IMPDH2: variants seen among roughly 807,000 people sequenced by gnomAD.
IMPDH2 encodes inosine monophosphate dehydrogenase 2.
Under a neutral mutation model 57.8 loss-of-function variants are expected in IMPDH2, and 33 were observed. That is an observed-to-expected ratio of 0.57 (90% confidence interval 0.43 to 0.76). IMPDH2 has a LOEUF of 0.76. Ranked by LOEUF, IMPDH2 falls within the 30% of genes least tolerant of loss-of-function variation. The pLI is 0.00. For synonymous variants in IMPDH2, 270 were observed against 241.3 expected (o/e 1.12, Z -1.10); for missense variants, 446 against 659.1 (o/e 0.68, Z 3.54).
At chr3:49,027,554 G>A (rs1028914376) in intron 5 of IMPDH2, among the ~76,000 whole-genome samples, 156 bp downstream of exon 5, 2 of 152,186 alleles carry the variant, frequency 1.3e-5, no homozygotes, top group Admixed American at 1.3e-4. Context: ...CCTCTGGTGG[G>A]GAAAGGATGC....
At chr3:49,025,376 A>T (rs1351813927) in intron 9 of IMPDH2, 107 bp from the exon 10 acceptor site, 2 of 1,210,644 alleles carry the variant, frequency 1.7e-6, no homozygotes, top group African/African-American at 3.0e-5. Flanking sequence ...CTGCATCAGG[A>T]CTGCAGCTTG....
intron 9 of IMPDH2, chr3:49,025,994 C>A: frequency 2.1e-6 from 1 of 481,972 alleles, no homozygotes. Flanking sequence ...GCTGGACTTA[C>A]TATAGCAACC....
intron 2 of IMPDH2, 51 bp from the exon 3 acceptor site, chr3:49,028,583 G>A (rs2093209903): frequency 1.4e-6 from 2 of 1,476,978 alleles, no homozygotes; most frequent in Non-Finnish European, 1.9e-6. Flanking sequence ...TACACCTCAA[G>A]GTGTTACTGA....
At chr3:49,024,859 C>T (rs1367974847) in intron 11 of IMPDH2, 37 bp downstream of exon 11, 3 of 1,614,100 alleles carry the variant, frequency 1.9e-6, no homozygotes, top group Non-Finnish European at 2.5e-6. Flanking sequence ...ACTGTCAGTG[C>T]AGGATTAGGG....
In IMPDH2 at chr3:49,028,776, G is replaced by A; in HGVS notation, c.129C>T (p.Asp43=). The change falls in exon 2 of 14, where the codon GAC becomes GAT. Residue 43 remains aspartate, a synonymous_variant. Transcript: ENST00000326739. ...TACTCACCACCTGGTCTGCAGTGAAGTCGATGTACCCAGGGAGAATGAGAA... is the reference window on the plus strand; with the variant it reads ...TACTCACCACCTGGTCTGCAGTGAAATCGATGTACCCAGGGAGAATGAGAA... ...NDFLILPGYI[D]FTADQVDLTS... is the part of the protein sequence containing the mutation. 1.2e-6 allele frequency: 2 copies of A among 1,613,886 alleles called. No homozygotes were observed. The highest frequency in any genetic ancestry group is 1.7e-6 in the Non-Finnish European group (2 of 1,179,778).
In IMPDH2 at chr3:49,028,765, T is replaced by A; in HGVS notation, c.140A>T (p.Asp47Val). Reference protein sequence around the residue: ...ILPGYIDFTADQVDLTSALTK... With the variant: ...ILPGYIDFTAVQVDLTSALTK... Reference sequence around the variant, plus strand: ...ATTCCTGATCATACTCACCACCTGGTCTGCAGTGAAGTCGATGTACCCAGG... The same window carrying A: ...ATTCCTGATCATACTCACCACCTGGACTGCAGTGAAGTCGATGTACCCAGG... The change falls in exon 2 of 14, where the codon GAC becomes GTC. Residue 47 changes from aspartate (D) to valine (V), a missense_variant. Coordinates refer to ENST00000326739, the MANE Select transcript of IMPDH2 (RefSeq NM_000884.3). The A allele has an allele frequency of 1.9e-6, 3 of 1,613,414 alleles. No individual in the cohort carries two copies. Among genetic ancestry groups the A allele is most frequent in the Non-Finnish European group, 2.5e-6 (3 of 1,179,388 alleles).
chr3:49,027,920 G>T lies in IMPDH2; in HGVS notation c.325-4C>A, dbSNP rs765864530. ...TGATGAATCCCTGTTCATATTTCTG[G>T]AAAGGGATGGTGAGAAAGGGCATCG... is the stretch of plus-strand genomic sequence containing the variant. On this transcript the variant is annotated splice_region_variant and splice_polypyrimidine_tract_variant and intron_variant, in intron 4 of 13. Coordinates refer to ENST00000326739, the MANE Select transcript of IMPDH2 (RefSeq NM_000884.3). 1.2e-6 allele frequency: 2 copies of T among 1,607,508 alleles called. No individual in the cohort carries two copies. The highest frequency in any genetic ancestry group is 1.7e-6 in the Non-Finnish European group (2 of 1,174,348).
chr3:49,026,861 A>C lies in IMPDH2; in HGVS notation c.645T>G (p.Asp215Glu). 1 of 1,614,228 alleles carries C rather than the reference A, an allele frequency of 6.2e-7. No individual in the cohort carries two copies. Among genetic ancestry groups the C allele is most frequent in the Non-Finnish European group, 8.5e-7 (1 of 1,180,046 alleles). Reference protein sequence around the residue: ...KKGKLPIVNEDDELVAIIART... With the variant: ...KKGKLPIVNEEDELVAIIART... Reference sequence around the variant, plus strand: ...GGGCAATGATGGCCACAAGCTCATCATCTTCATTTACAATGGGCAACTTTC... The same window carrying C: ...GGGCAATGATGGCCACAAGCTCATCCTCTTCATTTACAATGGGCAACTTTC... Residue 215 changes from aspartate (D) to glutamate (E), a missense_variant, in exon 7 of 14, where the codon GAT (aspartate) becomes GAG (glutamate). Coordinates refer to ENST00000326739, the MANE Select transcript of IMPDH2 (RefSeq NM_000884.3).
rs758152034 is a variant in IMPDH2, at chr3:49,028,841, C to T, written c.99-35G>A. ...AAGGGAGTGAATTGGGAGTAAAGCTCTCAGCTTAGGGCAGCATGAGACTCC... is the reference window on the plus strand; with the variant it reads ...AAGGGAGTGAATTGGGAGTAAAGCTTTCAGCTTAGGGCAGCATGAGACTCC... On this transcript the variant is annotated intron_variant, in intron 1 of 13. Transcript: ENST00000326739. 7 of 1,577,242 alleles carry T rather than the reference C, an allele frequency of 4.4e-6. No homozygotes were observed. The African/African-American group carries it at 8.1e-5, about 18-fold the overall frequency.
intron 5 of IMPDH2, 83 bp from the exon 6 acceptor site, chr3:49,027,130 G>A (rs2093203101): frequency 2.8e-6 from 3 of 1,079,128 alleles, no homozygotes; most frequent in Non-Finnish European, 4.3e-6. Flanking sequence ...AAGTAGCTGA[G>A]CTCAGAGGCA....
chr3:49,028,498 A>C lies in IMPDH2; in HGVS notation c.182T>G (p.Leu61Arg). ...LTSALTKKIT[L>R]KTPLVSSPMD... The stretch of plus-strand genomic sequence containing the variant: ...GGGAGAGGAAACCAGTGGGGTCTTA[A>C]GAGTGATTTTCTTGGTCAGAGCAGA... The change falls in exon 3 of 14, where the codon CTT becomes CGT. Residue 61 changes from leucine to arginine, a missense_variant. Coordinates refer to ENST00000326739, the MANE Select transcript of IMPDH2 (RefSeq NM_000884.3). 6.2e-7 allele frequency: 1 copy of C among 1,614,142 alleles called. No homozygotes were observed. The highest frequency in any genetic ancestry group is 8.5e-7 in the Non-Finnish European group (1 of 1,179,996).
chr3:49,026,218 T>A (rs1344977904), intron 9 of IMPDH2, 106 bp downstream of exon 9: 1 of 851,760 alleles, frequency 1.2e-6, no homozygotes, highest in Non-Finnish European at 1.9e-6. Context: ...GGCCCCAGGG[T>A]TGCCCCTATT....
At chr3:49,027,134 A>G in intron 5 of IMPDH2, 87 bp from the exon 6 acceptor site, 1 of 1,023,340 alleles carries the variant, frequency 9.8e-7, no homozygotes, top group Non-Finnish European at 1.5e-6. Context: ...AGCTGAGCTC[A>G]GAGGCACGCG....
rs1559915936 is a variant in IMPDH2, at chr3:49,026,247, C to T, written c.1006+77G>A. The T allele has an allele frequency of 2.7e-6, 3 of 1,108,512 alleles. No individual in the cohort carries two copies. The East Asian group carries it at 7.7e-5, about 28-fold the overall frequency. 68.7% of individuals were successfully genotyped at this position (1,108,512 alleles called of 1,614,324 possible). A position where few individuals can be genotyped will look rare whatever the true frequency, so the allele number is the denominator to read the frequency against. ...CCCTATTGGAGGGCTCTATTGTCCC[C>T]ATAAGAGTGCTTGGTTCCAAGGTAT... On this transcript the variant is annotated intron_variant, in intron 9 of 13. Transcript: ENST00000326739.
rs978913027 is a variant in IMPDH2, at chr3:49,026,423, T to C, written c.911-4A>G. 3 of 1,613,384 alleles carry C rather than the reference T, an allele frequency of 1.9e-6. No individual in the cohort carries two copies. The highest frequency in any genetic ancestry group is 1.1e-5 in the South Asian group (1 of 90,928). Reference sequence around the variant, plus strand: ...TTGGCCTGGGCAGCAGTGACCACTATGGTGAAGGAAAGGAAAATGCTCATG... The same window carrying C: ...TTGGCCTGGGCAGCAGTGACCACTACGGTGAAGGAAAGGAAAATGCTCATG... On this transcript the variant is annotated splice_polypyrimidine_tract_variant and splice_region_variant and intron_variant, in intron 8 of 13. Coordinates refer to ENST00000326739, the MANE Select transcript of IMPDH2 (RefSeq NM_000884.3).
chr3:49,027,119 C>A, intron 5 of IMPDH2, 72 bp from the exon 6 acceptor site: 1 of 1,213,096 alleles, frequency 8.2e-7, no homozygotes, highest in Non-Finnish European at 1.2e-6. Flanking sequence ...CTTTCCTTCC[C>A]AAGTAGCTGA....
chr3:49,025,369 C>T (rs1286092030), intron 9 of IMPDH2, 100 bp from the exon 10 acceptor site: 2 of 1,277,680 alleles, frequency 1.6e-6, no homozygotes, highest in East Asian at 2.3e-5. Context: ...GCTACATCTG[C>T]ATCAGGACTG....
At chr3:49,028,570 C>T (rs953042623) in intron 2 of IMPDH2, 38 bp from the exon 3 acceptor site, 3 of 1,525,750 alleles carry the variant, frequency 2.0e-6, no homozygotes, top group Middle Eastern at 1.7e-4. Flanking sequence ...GGAAAGCATC[C>T]CTTACACCTC....
chr3:49,025,014 T>C lies in IMPDH2; in HGVS notation c.1177A>G (p.Thr393Ala). The C allele has an allele frequency of 6.2e-7, 1 of 1,614,198 alleles. No individual in the cohort carries two copies. The change falls in exon 11 of 14, where the codon ACC becomes GCC. Residue 393 changes from threonine to alanine, a missense_variant. Thr to Ala is a moderately conservative substitution (Grantham distance 58). Coordinates refer to ENST00000326739, the MANE Select transcript of IMPDH2 (RefSeq NM_000884.3). Reference sequence around the variant, plus strand: ...AAGTATTCACCAGGGGCCTCAGTGGTGGCAGCCAGGAGAGAGCCCATCATG... The same window carrying C: ...AAGTATTCACCAGGGGCCTCAGTGGCGGCAGCCAGGAGAGAGCCCATCATG... ...TVMMGSLLAA[T>A]TEAPGEYFFS...
Sources: gnomAD v4.1 joint callset for allele counts (sites outside exome capture counted in the v4.1 genomes callset) on GRCh38, gnomAD v4.1.1 for gene constraint, MANE v1.5 for transcripts, NCBI Gene and HGNC (gene_info 2026-07-23, HGNC 2026-07-21) for gene names.